The following NLGN1 variants were observed in gnomAD, a reference collection of about 807,000 sequenced individuals.
NLGN1 encodes neuroligin-1.
Under a neutral mutation model 65.5 loss-of-function variants are expected in NLGN1, and 12 were observed. The ratio of observed to expected loss-of-function variants is 0.18; its 90% confidence interval spans 0.12 to 0.30. The LOEUF is 0.30. Among genes scored for constraint, NLGN1 ranks in the 10% least tolerant of loss-of-function variants. The probability of loss-of-function intolerance (pLI) is 1.00; values close to 1 mark genes in which losing one functional copy is unlikely to be tolerated. For synonymous variants in NLGN1, 350 were observed against 359.5 expected, an observed-to-expected ratio of 0.97 and a Z score of 0.30; for missense variants, 750 against 1,007.1, an observed-to-expected ratio of 0.74 and a Z score of 3.46.
chr3:174,264,434 C>T (rs1157047001), intron 4 of NLGN1, among the ~76,000 whole-genome samples: 9 of 148,156 alleles, frequency 6.1e-5, no homozygotes, highest in African/African-American at 2.2e-4. Context: ...TCATTCATTT[C>T]ATCTTCCATC....
chr3:174,182,805 A>G (rs1222994328), intron 4 of NLGN1, among the ~76,000 whole-genome samples: 1 of 152,014 alleles, frequency 6.6e-6, no homozygotes, highest in East Asian at 1.9e-4. Context: ...AAGATGACTC[A>G]CTTCTCATCT....
At chr3:173,400,688 G>A (rs759792955) in intron 1 of NLGN1, among the ~76,000 whole-genome samples, 2 of 152,096 alleles carry the variant, frequency 1.3e-5, no homozygotes, top group Non-Finnish European at 2.9e-5. Context: ...ACTGGGAGTA[G>A]CCCACCTTTC....
intron 4 of NLGN1, among the ~76,000 whole-genome samples, chr3:174,254,582 C>A (rs1745336046): frequency 6.6e-6 from 1 of 151,928 alleles, no homozygotes. Flanking sequence ...TGAAAATAAA[C>A]ATATTACCTT....
chr3:173,882,543 G>A (rs1216932895), intron 4 of NLGN1, among the ~76,000 whole-genome samples: 3 of 152,280 alleles, frequency 2.0e-5, no homozygotes, highest in Middle Eastern at 3.4e-3. Flanking sequence ...GCTTCACATT[G>A]CACTTTTATG....
intron 4 of NLGN1, among the ~76,000 whole-genome samples, chr3:174,024,422 G>A (rs892637185): frequency 6.6e-6 from 1 of 152,078 alleles, no homozygotes; most frequent in Admixed American, 6.6e-5. Context: ...CTGCTATGTC[G>A]AATCAATTAT....
At chr3:174,130,156 C>T (rs1347997442) in intron 4 of NLGN1, among the ~76,000 whole-genome samples, 1 of 152,170 alleles carries the variant, frequency 6.6e-6, no homozygotes, top group Admixed American at 6.5e-5. Context: ...AGGTGGAGCA[C>T]CTGAGGTCAG....
intron 3 of NLGN1, among the ~76,000 whole-genome samples, chr3:173,751,776 A>G (rs1776332625): frequency 5.3e-5 from 8 of 152,014 alleles, no homozygotes. Flanking sequence ...ACTAAGCACT[A>G]CTCCAGACAC....
chr3:173,806,149 AG>A (rs1716591100), intron 3 of NLGN1, among the ~76,000 whole-genome samples: 1 of 152,166 alleles, frequency 6.6e-6, no homozygotes, highest in East Asian at 1.9e-4. Flanking sequence ...CTTTTAAAAA[AG>A]TTTGTTAAGT....
chr3:174,279,467 A>G lies in NLGN1; in HGVS notation c.1466A>G (p.Tyr489Cys). 1 of 1,613,216 alleles carries G rather than the reference A, an allele frequency of 6.2e-7. No homozygotes were observed. The highest frequency in any genetic ancestry group is 1.3e-5 in the African/African-American group (1 of 74,974). ...TCACCTACGTACTTCTATGCCTTTTACCATCATTGCCAAACAGATCAGGTT... is the reference window on the plus strand; with the variant it reads ...TCACCTACGTACTTCTATGCCTTTTGCCATCATTGCCAAACAGATCAGGTT... The change falls in exon 6 of 7, where the codon TAC (tyrosine) becomes TGC (cysteine). Residue 489 changes from tyrosine (Y) to cysteine (C), a missense_variant. Physicochemically the swap from Tyr to Cys is radical, Grantham distance 194. Coordinates refer to ENST00000457714, the Ensembl canonical transcript of NLGN1. This position sits in a 1 kb window ranked among gnomAD's most constrained non-coding sequence, Gnocchi z 4.7.
chr3:174,267,120 C>T (rs932167818), intron 4 of NLGN1, among the ~76,000 whole-genome samples: 94 of 152,292 alleles, frequency 6.2e-4, no homozygotes, highest in African/African-American at 2.2e-3. Flanking sequence ...GTAATTTGCT[C>T]ACAAACCTGT....
chr3:174,289,383 C>A (rs1379106048), downstream of NLGN1, among the ~76,000 whole-genome samples: 1 of 151,284 alleles, frequency 6.6e-6, no homozygotes, highest in Non-Finnish European at 1.5e-5. Flanking sequence ...AATGTGGCTC[C>A]GTTTCTCACA....
intron 4 of NLGN1, among the ~76,000 whole-genome samples, chr3:173,841,015 A>G (rs1290951715): frequency 6.6e-6 from 1 of 152,222 alleles, no homozygotes; most frequent in Non-Finnish European, 1.5e-5. Context: ...ACAATTTCAC[A>G]CTGTGACCAT....
intron 2 of NLGN1, among the ~76,000 whole-genome samples, chr3:173,454,116 A>C (rs1398414019): frequency 1.3e-5 from 2 of 152,206 alleles, no homozygotes; most frequent in East Asian, 1.9e-4. Flanking sequence ...ATTGTCAATG[A>C]GCAGTAATAT....
intron 3 of NLGN1, among the ~76,000 whole-genome samples, chr3:173,756,870 T>A (rs1219786568): frequency 2.6e-5 from 4 of 151,532 alleles, no homozygotes; most frequent in Non-Finnish European, 5.9e-5. Flanking sequence ...AGTGCTTTTT[T>A]GTGTGTTAAA....
intron 2 of NLGN1, among the ~76,000 whole-genome samples, chr3:173,481,167 A>G (rs1727215500): frequency 6.6e-6 from 1 of 152,036 alleles, no homozygotes; most frequent in African/African-American, 2.4e-5. Context: ...TATGCCATAA[A>G]TATATGCTAT....
At chr3:173,491,032 A>T (rs1277392579) in intron 2 of NLGN1, among the ~76,000 whole-genome samples, 1 of 151,830 alleles carries the variant, frequency 6.6e-6, no homozygotes, top group Non-Finnish European at 1.5e-5. Context: ...CAATCATGTC[A>T]TCTGCAAACA....
chr3:173,854,273 A>C (rs1727531052), intron 4 of NLGN1, among the ~76,000 whole-genome samples: 1 of 152,050 alleles, frequency 6.6e-6, no homozygotes, highest in South Asian at 2.1e-4. Flanking sequence ...CATATTTGCT[A>C]CCTAAATTTG....
At chr3:173,436,886 G>C (rs754789140) in intron 2 of NLGN1, among the ~76,000 whole-genome samples, 3 of 152,126 alleles carry the variant, frequency 2.0e-5, no homozygotes, top group Non-Finnish European at 4.4e-5. Context: ...AGCTCTAACT[G>C]TACTCCAGTA....
intron 2 of NLGN1, among the ~76,000 whole-genome samples, chr3:173,532,063 C>T (rs1047737408): frequency 3.9e-5 from 6 of 152,138 alleles, no homozygotes; most frequent in African/African-American, 1.4e-4. Context: ...TTTAATTTGG[C>T]CTCTTAACTC....
Sources: gnomAD v4.1 joint callset for allele counts (sites outside exome capture counted in the v4.1 genomes callset) on GRCh38, gnomAD v4.1.1 for gene constraint, Gnocchi (gnomAD v3.1) non-coding constraint, MANE v1.5 for transcripts, NCBI Gene and HGNC (gene_info 2026-07-23, HGNC 2026-07-21) for gene names.